DIAPH1: variants seen among roughly 807,000 people sequenced by gnomAD.
The protein encoded by DIAPH1 is diaphanous related formin 1.
Under a neutral mutation model 140.7 loss-of-function variants are expected in DIAPH1, and 46 were observed. The ratio of observed to expected loss-of-function variants is 0.33; its 90% CI spans 0.26 to 0.42. The LOEUF is 0.42. Ranked by LOEUF, DIAPH1 falls within the 10% of genes least tolerant of loss-of-function variation. The probability of loss-of-function intolerance (pLI) is 1.00; values close to 1 mark genes in which losing one functional copy is unlikely to be tolerated. For synonymous variants in DIAPH1, 565 were observed against 551.6 expected, an observed-to-expected ratio of 1.02 and a Z score of -0.34; for missense variants, 1,310 against 1,558.7, an observed-to-expected ratio of 0.84 and a Z score of 2.69.
At chr5:141,535,924 A>T in intron 18 of DIAPH1, 1 of 413,512 alleles carries the variant, frequency 2.4e-6, no homozygotes, top group Non-Finnish European at 5.1e-6. Context: ...ATTTTAAACC[A>T]CATGAAAAGT....
At chr5:141,575,873 A>G (rs1308641179) in intron 14 of DIAPH1, among the ~76,000 whole-genome samples, 1 of 152,172 alleles carries the variant, frequency 6.6e-6, no homozygotes, top group Non-Finnish European at 1.5e-5. Flanking sequence ...GAGAACTCAG[A>G]CATCCTCTAG....
At chr5:141,580,382 G>C (rs973368338) in intron 8 of DIAPH1, among the ~76,000 whole-genome samples, 12 of 151,814 alleles carry the variant, frequency 7.9e-5, no homozygotes, top group African/African-American at 2.9e-4. Flanking sequence ...GGATGAGGCA[G>C]TTAAATTTTA....
intron 1 of DIAPH1, among the ~76,000 whole-genome samples, chr5:141,588,577 G>A (rs911126956): frequency 3.4e-4 from 52 of 151,692 alleles, no homozygotes; most frequent in African/African-American, 1.2e-3. Context: ...ATGAGGCAAT[G>A]CAAATTAAAA....
At chr5:141,517,451 T>C (rs1262133272) in intron 27 of DIAPH1, among the ~76,000 whole-genome samples, 2 of 152,320 alleles carry the variant, frequency 1.3e-5, no homozygotes, top group East Asian at 3.9e-4. Context: ...CACTTCTCAG[T>C]CAGCCCTGGG....
chr5:141,546,709 G>T, intron 18 of DIAPH1, among the ~76,000 whole-genome samples: 1 of 151,500 alleles, frequency 6.6e-6, no homozygotes, highest in East Asian at 1.9e-4. Flanking sequence ...AGCACAAAAG[G>T]CTATATCCTT....
chr5:141,579,004 T>C (rs1287359244), intron 9 of DIAPH1, 84 bp downstream of exon 9: 12 of 995,598 alleles, frequency 1.2e-5, no homozygotes, highest in Admixed American at 1.7e-5. Flanking sequence ...AGGCACTCCA[T>C]GTATTTTATT....
intron 2 of DIAPH1, 166 bp from the exon 3 acceptor site, chr5:141,587,363 T>C (rs1224094424): frequency 1.4e-6 from 1 of 699,512 alleles, no homozygotes; most frequent in African/African-American, 1.8e-5. Context: ...CTTCCTCCTA[T>C]CTAACTTACC....
At chr5:141,557,750 T>C (rs2099892858) in intron 18 of DIAPH1, 1 of 152,136 alleles carries the variant, frequency 6.6e-6, no homozygotes, top group Admixed American at 6.5e-5. Context: ...GCCAAACCAT[T>C]TTGCTCTGTG....
chr5:141,611,971 G>A (rs2099901917), intron 1 of DIAPH1, among the ~76,000 whole-genome samples: 1 of 152,322 alleles, frequency 6.6e-6, no homozygotes, highest in Non-Finnish European at 1.5e-5. Context: ...GGTGGCTGAG[G>A]CAGGAGAATC....
At chr5:141,533,611 C>T (rs1259240113) in intron 19 of DIAPH1, among the ~76,000 whole-genome samples, 1 of 152,098 alleles carries the variant, frequency 6.6e-6, no homozygotes, top group Non-Finnish European at 1.5e-5. Flanking sequence ...TATTGTGAGG[C>T]TGAGGTGGGC....
chr5:141,527,710 A>AAAAAAAAAAAAAC lies in DIAPH1; in HGVS notation c.3149-26_3149-14dup. 6 of 1,566,574 alleles carry AAAAAAAAAAAAAC rather than the reference A, an allele frequency of 3.8e-6. No homozygotes were observed. The highest frequency in any genetic ancestry group is 2.3e-5 in the East Asian group (1 of 44,244). Reference sequence around the variant, plus strand: ...TTTTCAGCAGAAACTAAAAAAAAAAAAAAAAAAAAAAACCATAAAAACAGA... The same window carrying AAAAAAAAAAAAAC: ...TTTTCAGCAGAAACTAAAAAAAAAAAAAAAAAAAAAAACAAAAAAAAAAAACCATAAAAACAGA... On this transcript the variant is annotated splice_polypyrimidine_tract_variant and intron_variant, in intron 23 of 27. Coordinates refer to ENST00000389054, the MANE Select transcript of DIAPH1 (RefSeq NM_005219.5).
rs1375849330 is a variant in DIAPH1 at position 141,552,747 on chromosome 5, A to G, written c.2483-18314T>C. ...TGATGTGTCCTTATAAAGGAGAGGA[A>G]ATCTGGACACACAAAGAGACACAAG... On this transcript the variant is annotated intron_variant, in intron 18 of 27. Coordinates refer to ENST00000389054, the MANE Select transcript of DIAPH1 (RefSeq NM_005219.5). Among the ~76,000 whole-genome samples, 3 of 152,198 alleles carry G rather than the reference A, an allele frequency of 2.0e-5. No individual in the cohort carries two copies. In the South Asian group the frequency reaches 6.2e-4, roughly 31 times the overall value.
chr5:141,596,848 A>T (rs955305431), intron 1 of DIAPH1, among the ~76,000 whole-genome samples: 2 of 152,216 alleles, frequency 1.3e-5, no homozygotes, highest in African/African-American at 4.8e-5. Context: ...AGATCCTAAC[A>T]TGAGAGAAAG....
chr5:141,590,801 G>A (rs2099898279), intron 1 of DIAPH1, among the ~76,000 whole-genome samples: 1 of 150,546 alleles, frequency 6.6e-6, no homozygotes, highest in Non-Finnish European at 1.5e-5. Context: ...ACAGACTCTT[G>A]ATTCGTCTCT....
At chr5:141,604,692 AAAT>A (rs1319755866) in intron 1 of DIAPH1, among the ~76,000 whole-genome samples, 1 of 152,178 alleles carries the variant, frequency 6.6e-6, no homozygotes, top group Non-Finnish European at 1.5e-5. Flanking sequence ...TTTCATTTCT[AAAT>A]AATCTCTTTT....
In DIAPH1 at chr5:141,534,033, CAAAAA is replaced by C. The variant is rs35815835; in HGVS notation, c.2581+297_2581+301del. 4.9e-3 allele frequency among the ~76,000 whole-genome samples: 247 copies of C among 49,972 alleles called. 2 individuals are homozygous for C. Among genetic ancestry groups the C allele is most frequent in the African/African-American group, 0.02 (235 of 11,942 alleles). The allele number at this position is 49,972 out of a possible 152,430, so 32.8% of individuals were successfully genotyped here. A position where few individuals can be genotyped will look rare whatever the true frequency, so the allele number is the denominator to read the frequency against. On this transcript the variant is annotated intron_variant, in intron 19 of 27. Coordinates refer to ENST00000389054, the MANE Select transcript of DIAPH1 (RefSeq NM_005219.5). ...GCAACAGAGTGGTGAGACTGTGTCT[CAAAAA>C]AAAAAAAAAAAAAAAAAAAGGCTCA...
intron 18 of DIAPH1, among the ~76,000 whole-genome samples, chr5:141,553,276 GCTGT>G (rs1343707114): frequency 3.3e-5 from 5 of 151,496 alleles, no homozygotes; most frequent in Non-Finnish European, 7.4e-5. Context: ...TGGGTGACAG[GCTGT>G]CTTTTTTTTT....
intron 2 of DIAPH1, chr5:141,587,534 T>C (rs936496430): frequency 3.2e-6 from 1 of 310,934 alleles, no homozygotes; most frequent in Non-Finnish European, 6.1e-6. Flanking sequence ...CAGAGTTCTA[T>C]CAATAAAATG....
At chr5:141,574,940 A>G in intron 15 of DIAPH1, 27 bp downstream of exon 15, 1 of 1,613,962 alleles carries the variant, frequency 6.2e-7, no homozygotes, top group Middle Eastern at 1.7e-4. Context: ...GTTACAGGTC[A>G]TTCTGCCTTC....
Sources: allele counts gnomAD v4.1 joint callset (sites outside exome capture counted in the v4.1 genomes callset), GRCh38; gene constraint gnomAD v4.1.1; transcripts MANE v1.5; gene names NCBI Gene and HGNC (gene_info 2026-07-23, HGNC 2026-07-21).